ZMIZ1: variants seen among roughly 807,000 people sequenced by gnomAD.
ZMIZ1 encodes the protein zinc finger MIZ-type containing 1, also known as zinc finger MIZ domain-containing protein 1.
A neutral mutation model predicts 113.9 loss-of-function variants in ZMIZ1; 17 were observed. The observed-to-expected ratio is 0.15, with a 90% confidence interval of 0.10 to 0.22. ZMIZ1 has a LOEUF of 0.22. Among genes scored for constraint, ZMIZ1 ranks in the 10% least tolerant of loss-of-function variants. The pLI, the probability that ZMIZ1 is intolerant of heterozygous loss-of-function variation, is 1.00. For synonymous variants in ZMIZ1, 607 were observed against 603.1 expected (o/e 1.01, Z -0.09); for missense variants, 1,059 against 1,477.8 (o/e 0.72, Z 4.65).
At chr10:79,123,514 G>A (rs11002842) in intron 2 of ZMIZ1, among the ~76,000 whole-genome samples, 2,763 of 152,292 alleles carry the variant, frequency 0.018, 45 homozygotes, top group Non-Finnish European at 0.031. Flanking sequence ...AGTAGGGGGT[G>A]GACTCCAGGG....
chr10:79,231,798 G>A (rs1276168653), intron 7 of ZMIZ1, among the ~76,000 whole-genome samples: 3 of 152,054 alleles, frequency 2.0e-5, no homozygotes, highest in African/African-American at 7.2e-5. Context: ...GGCTGGTCTC[G>A]AACTCCTGAC....
At chr10:79,305,681 C>T in intron 21 of ZMIZ1, 80 bp downstream of exon 21, 1 of 1,422,706 alleles carries the variant, frequency 7.0e-7, no homozygotes. Context: ...GTGGATAGCC[C>T]TGACACAGCC....
At chr10:79,285,581 C>T in intron 8 of ZMIZ1, 1 of 456,114 alleles carries the variant, frequency 2.2e-6, no homozygotes, top group Non-Finnish European at 4.4e-6. Context: ...GGTCATCAGG[C>T]TTAACGAAAT....
At chr10:79,198,042 G>A (rs1036363934) in intron 4 of ZMIZ1, among the ~76,000 whole-genome samples, 7 of 152,192 alleles carry the variant, frequency 4.6e-5, no homozygotes, top group African/African-American at 9.6e-5. Context: ...GGTGGATCAC[G>A]AGATCAAGAG....
intron 3 of ZMIZ1, among the ~76,000 whole-genome samples, chr10:79,150,752 C>T (rs1488283436): frequency 6.6e-6 from 1 of 152,144 alleles, no homozygotes; most frequent in Admixed American, 6.5e-5. Flanking sequence ...CCCCATCCAC[C>T]CCTGTCTGCC....
intron 8 of ZMIZ1, among the ~76,000 whole-genome samples, chr10:79,285,183 C>T (rs1474144509): frequency 6.6e-6 from 1 of 152,238 alleles, no homozygotes; most frequent in Non-Finnish European, 1.5e-5. Context: ...TTGATTGGCT[C>T]TGCTACCTCT....
chr10:79,114,482 T>C lies in ZMIZ1; in HGVS notation c.-336-4433T>C, dbSNP rs978524772. Among the ~76,000 whole-genome samples, 1,243 of 124,928 alleles carry C rather than the reference T, an allele frequency of 9.9e-3. 10 individuals carry two copies. Among genetic ancestry groups the C allele is most frequent in the Middle Eastern group, 0.02 (5 of 254 alleles). The allele number at this position is 124,928 out of a possible 152,430, so 82.0% of individuals were successfully genotyped here. A position where few individuals can be genotyped will look rare whatever the true frequency, so the allele number is the denominator to read the frequency against. On this transcript the variant is annotated intron_variant, in intron 1 of 24. Coordinates refer to ENST00000334512, the MANE Select transcript of ZMIZ1 (RefSeq NM_020338.4). ...GTGTGTATGTGTGTGTGTGTCTGTG[T>C]GTGTGTGTGTGCGTGTGTGTGTGCG...
intron 4 of ZMIZ1, among the ~76,000 whole-genome samples, chr10:79,179,970 G>A (rs2132564009): frequency 6.6e-6 from 1 of 152,360 alleles, no homozygotes; most frequent in African/African-American, 2.4e-5. Flanking sequence ...CAACGGGGCA[G>A]GCTGGGCCTG....
intron 7 of ZMIZ1, among the ~76,000 whole-genome samples, chr10:79,262,323 C>T (rs1170642694): frequency 6.6e-6 from 1 of 152,194 alleles, no homozygotes; most frequent in Non-Finnish European, 1.5e-5. Flanking sequence ...GGGGTGGAGC[C>T]CAACATGCAT....
At chr10:79,178,852 GGT>G (rs1439869682) in intron 4 of ZMIZ1, among the ~76,000 whole-genome samples, 1 of 152,214 alleles carries the variant, frequency 6.6e-6, no homozygotes, top group African/African-American at 2.4e-5. Flanking sequence ...GGCTGGGGGA[GGT>G]GTGTGGTGGC....
chr10:79,251,797 A>C (rs1850570160), intron 7 of ZMIZ1, among the ~76,000 whole-genome samples: 1 of 152,196 alleles, frequency 6.6e-6, no homozygotes, highest in Non-Finnish European at 1.5e-5. Flanking sequence ...ACAGGCTCAG[A>C]AAGTTACTGG....
intron 7 of ZMIZ1, among the ~76,000 whole-genome samples, chr10:79,241,242 G>C (rs1849816156): frequency 6.6e-6 from 1 of 152,142 alleles, no homozygotes; most frequent in Non-Finnish European, 1.5e-5. Context: ...CTGTTTTCTG[G>C]GTGTCATTTG....
chr10:79,254,808 C>G (rs909923533), intron 7 of ZMIZ1, among the ~76,000 whole-genome samples: 1 of 152,188 alleles, frequency 6.6e-6, no homozygotes, highest in African/African-American at 2.4e-5. Flanking sequence ...AGTGAGGGAC[C>G]TCGGCCTTGT....
At chr10:79,258,224 A>G (rs553481212) in intron 7 of ZMIZ1, among the ~76,000 whole-genome samples, 1 of 152,230 alleles carries the variant, frequency 6.6e-6, no homozygotes, top group Admixed American at 6.5e-5. Context: ...TCTACTAAGA[A>G]TCAAAACAAA....
At chr10:79,263,331 A>G (rs1481563703) in intron 7 of ZMIZ1, among the ~76,000 whole-genome samples, 3 of 152,226 alleles carry the variant, frequency 2.0e-5, no homozygotes, top group Non-Finnish European at 4.4e-5. Flanking sequence ...AGTCTTGGCA[A>G]TTAACCAAGT....
intron 4 of ZMIZ1, among the ~76,000 whole-genome samples, chr10:79,168,486 TC>T (rs1846459833): frequency 2.0e-5 from 3 of 152,156 alleles, no homozygotes; most frequent in Non-Finnish European, 2.9e-5. Context: ...ATGAACCATG[TC>T]CCCAGCACAG....
intron 1 of ZMIZ1, among the ~76,000 whole-genome samples, chr10:79,103,118 T>A (rs979575151): frequency 1.3e-5 from 2 of 151,770 alleles, no homozygotes; most frequent in Non-Finnish European, 2.9e-5. Flanking sequence ...GGAGGACCCC[T>A]TGAGAAACTG....
At chr10:79,157,915 T>C (rs1353931446) in intron 3 of ZMIZ1, among the ~76,000 whole-genome samples, 2 of 152,170 alleles carry the variant, frequency 1.3e-5, no homozygotes, top group African/African-American at 2.4e-5. Flanking sequence ...AGTCTGCCTG[T>C]TGCCTGACCA....
chr10:79,286,736 A>AC (rs1377979135), intron 8 of ZMIZ1, among the ~76,000 whole-genome samples: 1 of 152,258 alleles, frequency 6.6e-6, no homozygotes, highest in East Asian at 1.9e-4. Context: ...GTTTCCGCCC[A>AC]CAAGGCTCAC....
Sources: allele counts gnomAD v4.1 joint callset (sites outside exome capture counted in the v4.1 genomes callset), GRCh38; gene constraint gnomAD v4.1.1; transcripts MANE v1.5; gene names NCBI Gene and HGNC (gene_info 2026-07-23, HGNC 2026-07-21).